The following WDR62 variants were observed in gnomAD, a reference collection of about 807,000 sequenced individuals.
WDR62 encodes the protein WD repeat domain 62.
A neutral mutation model predicts 160.6 loss-of-function variants in WDR62; 112 were observed. That is an observed-to-expected ratio of 0.70 (90% CI 0.60 to 0.82). WDR62 has a LOEUF of 0.82. Ranked by LOEUF, WDR62 falls within the 40% of genes least tolerant of loss-of-function variation. The pLI is 0.00. For synonymous variants in WDR62, 792 were observed against 815.1 expected, an observed-to-expected ratio of 0.97 and a Z score of 0.48; for missense variants, 1,819 against 1,983.8, an observed-to-expected ratio of 0.92 and a Z score of 1.58.
rs1464115203 is a variant in WDR62 at position 36,101,317 on chromosome 19, G to A, written c.2971G>A (p.Asp991Asn). 6.2e-7 allele frequency: 1 copy of A among 1,608,438 alleles called. No homozygotes were observed. Among genetic ancestry groups the A allele is most frequent in the East Asian group, 2.2e-5 (1 of 44,686 alleles). Residue 991 changes from aspartate to asparagine, a missense_variant and splice_region_variant, in exon 24 of 32, where the codon GAC becomes AAC. Physicochemically the swap from Asp to Asn is conservative, Grantham distance 23. This residue lies in a region of WDR62 where 770 missense variants were observed against 734.2 expected (regional missense o/e 1.05). Transcript: ENST00000401500. ...CCCAAAGGACCAGAGCCCGCCTGAG[G>A]GTGAGTGCAGGGCAGGCAGGGACCC... Reference protein sequence around the residue: ...DSPKDQSPPEDSGESEADLEC... With the variant: ...DSPKDQSPPENSGESEADLEC...
chr19:36,099,972 CA>C (rs1973226918), intron 22 of WDR62, among the ~76,000 whole-genome samples: 2 of 152,252 alleles, frequency 1.3e-5, no homozygotes, highest in Middle Eastern at 3.4e-3. Context: ...ATAATGGGGT[CA>C]GGGGCAGTGG....
chr19:36,098,817 T>C (rs1973135982), intron 21 of WDR62, among the ~76,000 whole-genome samples: 2 of 152,026 alleles, frequency 1.3e-5, no homozygotes. Flanking sequence ...GAAAAGTTCA[T>C]GAATCCCAGC....
In WDR62 at chr19:36,101,777, A is replaced by C. The variant is rs1275687192; in HGVS notation, c.3082+3A>C. On this transcript the variant is annotated splice_donor_region_variant and intron_variant, in intron 25 of 31. Transcript: ENST00000401500. Reference sequence around the variant, plus strand: ...CACGTCGCTGCCCCATTTCCCAGGTAAGCAGGGGCCAGACACGCAGGGGAC... The same window carrying C: ...CACGTCGCTGCCCCATTTCCCAGGTCAGCAGGGGCCAGACACGCAGGGGAC... The C allele has an allele frequency of 6.4e-7, 1 of 1,551,176 alleles. No individual in the cohort carries two copies. The highest frequency in any genetic ancestry group is 1.2e-5 in the South Asian group (1 of 84,190).
Position 36,099,525 on chromosome 19 carries a change from G to A in WDR62, c.2647G>A (p.Asp883Asn). ...GACCATCCTGGATGCCCAGGACCTG[G>A]ATTGCTACTTTACCCCCATGAAGCC... ...LKTILDAQDL[D>N]CYFTPMKPES... Residue 883 changes from aspartate (D) to asparagine (N), a missense_variant, in exon 22 of 32, where the codon GAT (aspartate) becomes AAT (asparagine). Physicochemically the swap from Asp to Asn is conservative, Grantham distance 23. Transcript: ENST00000401500. 2 of 1,614,208 alleles carry A rather than the reference G, an allele frequency of 1.2e-6. No homozygotes were observed. Among genetic ancestry groups the A allele is most frequent in the Non-Finnish European group, 1.7e-6 (2 of 1,180,038 alleles).
chr19:36,102,162 G>C lies in WDR62; in HGVS notation c.3220+11G>C, dbSNP rs1246640112. The C allele has an allele frequency of 1.9e-6, 3 of 1,613,592 alleles. No individual in the cohort carries two copies. In the African/African-American group the frequency reaches 4.0e-5, roughly 22 times the overall value. Reference sequence around the variant, plus strand: ...AGTCCCCCTGCAGAGGTAGGGCCCTGCCTCACCCACACCTGCCGAGGCCGT... The same window carrying C: ...AGTCCCCCTGCAGAGGTAGGGCCCTCCCTCACCCACACCTGCCGAGGCCGT... On this transcript the variant is annotated intron_variant, in intron 26 of 31. Transcript: ENST00000401500.
intron 12 of WDR62, among the ~76,000 whole-genome samples, chr19:36,085,531 C>T (rs1204529014): frequency 6.6e-6 from 1 of 151,068 alleles, no homozygotes; most frequent in Non-Finnish European, 1.5e-5. Context: ...AGCGATTCCC[C>T]TGCGTTCAAG....
rs375737082 is a variant in WDR62 at position 36,073,599 on chromosome 19, A to G, written c.1233+68A>G. 371 of 1,240,364 alleles carry G rather than the reference A, an allele frequency of 3.0e-4. 5 individuals carry two copies. The South Asian group carries it at 4.5e-3, about 15-fold the overall frequency. The allele number at this position is 1,240,364 out of a possible 1,614,324, so 76.8% of individuals were successfully genotyped here. A position where few individuals can be genotyped will look rare whatever the true frequency, so the allele number is the denominator to read the frequency against. Reference sequence around the variant, plus strand: ...ACAGTTCCCCACAGTTTGGGAACCCATTCAGTAATTCCTTCAGAAGATACT... The same window carrying G: ...ACAGTTCCCCACAGTTTGGGAACCCGTTCAGTAATTCCTTCAGAAGATACT... On this transcript the variant is annotated intron_variant, in intron 9 of 31. Coordinates refer to ENST00000401500, the MANE Select transcript of WDR62 (RefSeq NM_001083961.2).
At position 36,099,438 on chromosome 19, in the gene WDR62, G is replaced by A. The variant is rs368030329; in HGVS notation, c.2560G>A (p.Ala854Thr). ...DDVADGLAFH[A>T]KRSYQPHGRW... is the part of the protein sequence containing the mutation. ...TGTGGCAGATGGCTTGGCCTTCCAC[G>A]CCAAGCGCAGCTACCAGCCCCACGG... The change falls in exon 22 of 32, where the codon GCC (alanine) becomes ACC (threonine). Residue 854 changes from alanine to threonine, a missense_variant. Transcript: ENST00000401500. The A allele has an allele frequency of 5.2e-5, 84 of 1,613,566 alleles. No homozygotes were observed. Among genetic ancestry groups the A allele is most frequent in the Middle Eastern group, 1.6e-4 (1 of 6,082 alleles).
intron 9 of WDR62, chr19:36,074,934 C>G (rs1971495967): frequency 6.6e-6 from 1 of 152,138 alleles, no homozygotes; most frequent in Non-Finnish European, 1.5e-5. Flanking sequence ...CTTTGCATCT[C>G]CTTATTGTTT....
chr19:36,087,310 G>T (rs1972300014), intron 13 of WDR62, among the ~76,000 whole-genome samples: 1 of 151,940 alleles, frequency 6.6e-6, no homozygotes, highest in African/African-American at 2.4e-5. Flanking sequence ...TTCGAGACCA[G>T]TCTGGCCAAC....
chr19:36,096,369 G>T (rs1237506414), intron 20 of WDR62, among the ~76,000 whole-genome samples: 1 of 152,146 alleles, frequency 6.6e-6, no homozygotes, highest in East Asian at 1.9e-4. Flanking sequence ...TCTCAAAGTG[G>T]TGGGATTACA....
chr19:36,066,205 T>C, intron 4 of WDR62, 52 bp from the exon 5 acceptor site: 10 of 1,612,660 alleles, frequency 6.2e-6, no homozygotes, highest in Non-Finnish European at 8.5e-6. Context: ...GACAACCCTC[T>C]AGCCCTGCCC....
chr19:36,081,015 TGC>T (rs1971865367), intron 9 of WDR62, among the ~76,000 whole-genome samples: 1 of 152,204 alleles, frequency 6.6e-6, no homozygotes, highest in Non-Finnish European at 1.5e-5. Flanking sequence ...AGACTTGAAC[TGC>T]TGGTCTCTAG....
chr19:36,099,671 G>T (rs1973208889), intron 22 of WDR62, 54 bp downstream of exon 22: 2 of 1,583,880 alleles, frequency 1.3e-6, no homozygotes, highest in Non-Finnish European at 1.7e-6. Context: ...GACGGCCCCA[G>T]GGCCTGGCGC....
chr19:36,094,320 G>A (rs371204574), intron 20 of WDR62, among the ~76,000 whole-genome samples, 156 bp downstream of exon 20: 4 of 152,118 alleles, frequency 2.6e-5, no homozygotes, highest in Non-Finnish European at 5.9e-5. Flanking sequence ...TTGGGAGGCC[G>A]AGGTGGGTGG....
intron 9 of WDR62, among the ~76,000 whole-genome samples, chr19:36,076,475 T>C (rs1454490665): frequency 6.6e-6 from 1 of 151,886 alleles, no homozygotes; most frequent in East Asian, 1.9e-4. Context: ...TGAGAATTGC[T>C]TGAACCCGGG....
At chr19:36,096,867 C>T (rs1289441328) in intron 20 of WDR62, among the ~76,000 whole-genome samples, 160 bp from the exon 21 acceptor site, 2 of 152,204 alleles carry the variant, frequency 1.3e-5, no homozygotes, top group East Asian at 1.9e-4. Context: ...AGTCAAATAT[C>T]GCATCCCACG....
chr19:36,110,343 T>C, the WDR62 span, among the ~76,000 whole-genome samples: 3 of 151,876 alleles, frequency 2.0e-5, no homozygotes, highest in South Asian at 6.2e-4. Context: ...TGGTGGTGCA[T>C]GCCTGTAGTC....
rs757294519 is a variant in WDR62 at position 36,101,668 on chromosome 19, G to T, written c.2976G>T (p.Ser992=). Residue 992 remains serine, a synonymous_variant, in exon 25 of 32, where the codon TCG becomes TCT. Coordinates refer to ENST00000401500, the MANE Select transcript of WDR62 (RefSeq NM_001083961.2). ...SPKDQSPPED[S]GESEADLECS... is the part of the protein sequence containing the mutation. The stretch of plus-strand genomic sequence containing the variant: ...GACCCCGACTCTGTCCTTCAGACTC[G>T]GGGGAGTCAGAGGCCGACCTGGAGT... The T allele has an allele frequency of 2.6e-6, 4 of 1,549,976 alleles. No homozygotes were observed. The highest frequency in any genetic ancestry group is 3.9e-5 in the Admixed American group (2 of 50,990).
Sources: allele counts gnomAD v4.1 joint callset (sites outside exome capture counted in the v4.1 genomes callset), GRCh38; gene constraint gnomAD v4.1.1; regional missense constraint gnomAD v4.1.1; transcripts MANE v1.5; gene names NCBI Gene and HGNC (gene_info 2026-07-23, HGNC 2026-07-21).